Variants in RPH3AL observed in about 807,000 individuals in gnomAD.
RPH3AL encodes rab effector Noc2.
A neutral mutation model predicts 43.1 loss-of-function variants in RPH3AL; 38 were observed. The ratio of observed to expected loss-of-function variants is 0.88; its 90% CI spans 0.68 to 1.15. The LOEUF is 1.15. Among genes scored for constraint, RPH3AL ranks in the 50% most tolerant of loss-of-function variants. RPH3AL has a pLI of 0.00. For synonymous variants in RPH3AL, 189 were observed against 176.3 expected (o/e 1.07, Z -0.57); for missense variants, 462 against 423.2 (o/e 1.09, Z -0.81).
chr17:219,593 C>T (rs1414415494), intron 8 of RPH3AL, 30 bp downstream of exon 8: 2 of 1,344,622 alleles, frequency 1.5e-6, no homozygotes, highest in Admixed American at 3.7e-5. Context: ...CGTGCCCGGC[C>T]AATAAGCAGC....
chr17:286,793 G>A (rs374502405), intron 5 of RPH3AL, among the ~76,000 whole-genome samples: 4 of 152,116 alleles, frequency 2.6e-5, no homozygotes, highest in Admixed American at 6.5e-5. Flanking sequence ...CTGGCTTCCC[G>A]GGCTTGGCTG....
At chr17:237,814 G>T (rs867973552) in intron 7 of RPH3AL, among the ~76,000 whole-genome samples, 1 of 152,204 alleles carries the variant, frequency 6.6e-6, no homozygotes, top group African/African-American at 2.4e-5. Flanking sequence ...TCAGGCCCCT[G>T]GTGTCAGGCG....
At chr17:230,954 G>A (rs897551399) in intron 7 of RPH3AL, among the ~76,000 whole-genome samples, 2 of 152,196 alleles carry the variant, frequency 1.3e-5, no homozygotes, top group Non-Finnish European at 2.9e-5. Flanking sequence ...CCGAAGTGCT[G>A]GGATCACAGG....
rs139331066 is a variant in RPH3AL, at chr17:301,514, G to A, written c.351+17906C>T. Among the ~76,000 whole-genome samples, 40 of 152,192 alleles carry A rather than the reference G, an allele frequency of 2.6e-4. No individual in the cohort carries two copies. In the East Asian group the frequency reaches 6.9e-3, roughly 26 times the overall value. ...GAGAGGGGGTTTTGCCTTGTTGCCCGGGCTGGTCTCAAACTCCTGGGCTCA... is the reference window on the plus strand; with the variant it reads ...GAGAGGGGGTTTTGCCTTGTTGCCCAGGCTGGTCTCAAACTCCTGGGCTCA... On this transcript the variant is annotated intron_variant, in intron 5 of 9. Coordinates refer to ENST00000331302, the MANE Select transcript of RPH3AL (RefSeq NM_006987.4).
chr17:240,855 C>G (rs1026466846), intron 7 of RPH3AL, among the ~76,000 whole-genome samples: 3 of 151,672 alleles, frequency 2.0e-5, no homozygotes, highest in African/African-American at 7.3e-5. Context: ...GTCAGGAGAT[C>G]GAGACCAGCC....
intron 5 of RPH3AL, among the ~76,000 whole-genome samples, chr17:311,020 C>T (rs779602131): frequency 6.6e-6 from 1 of 152,204 alleles, no homozygotes; most frequent in Non-Finnish European, 1.5e-5. Context: ...CGAAAGACTC[C>T]CCTGCACCTG....
chr17:213,326 T>C lies in RPH3AL; in HGVS notation c.*526A>G, dbSNP rs11150886. 0.85 allele frequency: 141,813 copies of C among 166,192 alleles called. 60,591 individuals carry two copies. The highest frequency in any genetic ancestry group is 0.89 in the African/African-American group (36,843 of 41,570). The allele number at this position is 166,192 out of a possible 1,614,324, so 10.3% of individuals were successfully genotyped here. On this transcript the variant is annotated 3_prime_UTR_variant, in exon 10 of 10. Transcript: ENST00000331302. The stretch of plus-strand genomic sequence containing the variant: ...TCACCCACGGTCCTGGGCCAGCCCA[T>C]GGGAGGGGGGCACTGCGCCTGCCTC...
intron 5 of RPH3AL, among the ~76,000 whole-genome samples, chr17:285,157 G>A (rs531654318): frequency 3.3e-5 from 5 of 152,264 alleles, no homozygotes; most frequent in South Asian, 4.1e-4. Context: ...TGGGAGCATC[G>A]TCGTGTCTCT....
chr17:266,857 C>T (rs1307149022), intron 6 of RPH3AL, among the ~76,000 whole-genome samples: 3 of 152,250 alleles, frequency 2.0e-5, no homozygotes, highest in East Asian at 3.9e-4. Context: ...ACACAATTAC[C>T]GGTAAGGAGC....
At chr17:278,707 T>C (rs1425359355) in intron 6 of RPH3AL, among the ~76,000 whole-genome samples, 1 of 152,164 alleles carries the variant, frequency 6.6e-6, no homozygotes, top group Non-Finnish European at 1.5e-5. Flanking sequence ...CACTGCAGAA[T>C]TTACTGGGTT....
chr17:350,474 G>T (rs1444765164), intron 1 of RPH3AL, among the ~76,000 whole-genome samples: 1 of 152,008 alleles, frequency 6.6e-6, no homozygotes, highest in Non-Finnish European at 1.5e-5. Context: ...AGCTGGGCAT[G>T]GTGGTGCATG....
intron 7 of RPH3AL, among the ~76,000 whole-genome samples, chr17:240,286 G>A (rs2041498625): frequency 6.6e-6 from 1 of 151,060 alleles, no homozygotes; most frequent in African/African-American, 2.4e-5. Flanking sequence ...TCCACCTTAT[G>A]AATTTTAAAA....
At chr17:316,915 G>T (rs570183253) in intron 5 of RPH3AL, among the ~76,000 whole-genome samples, 31 of 127,974 alleles carry the variant, frequency 2.4e-4, no homozygotes, top group Admixed American at 2.2e-3. Context: ...CACCTCCACT[G>T]ACCTGTAGTC....
intron 7 of RPH3AL, among the ~76,000 whole-genome samples, chr17:238,086 G>A (rs986139771): frequency 9.2e-5 from 14 of 151,932 alleles, no homozygotes; most frequent in African/African-American, 2.9e-4. Flanking sequence ...GCAGTTAGCT[G>A]AGACTGAGCC....
In RPH3AL at chr17:264,066, G is replaced by A. The variant is rs538477522; in HGVS notation, c.439-16781C>T. 9.3e-4 allele frequency among the ~76,000 whole-genome samples: 142 copies of A among 152,304 alleles called. No homozygotes were observed. The highest frequency in any genetic ancestry group is 3.1e-3 in the African/African-American group (128 of 41,566). ...ATCTCTGATCAGATTTCAAAGCCACGATTTTGGCCGCGTGCGACAAGCCGG... is the reference window on the plus strand; with the variant it reads ...ATCTCTGATCAGATTTCAAAGCCACAATTTTGGCCGCGTGCGACAAGCCGG... On this transcript the variant is annotated intron_variant, in intron 6 of 9. Coordinates refer to ENST00000331302, the MANE Select transcript of RPH3AL (RefSeq NM_006987.4). This position sits in a 1 kb window ranked among gnomAD's most constrained non-coding sequence, Gnocchi z 4.8.
At chr17:269,282 G>A (rs1002445299) in intron 6 of RPH3AL, among the ~76,000 whole-genome samples, 1 of 152,196 alleles carries the variant, frequency 6.6e-6, no homozygotes, top group Non-Finnish European at 1.5e-5. Context: ...AGAGTGCTGG[G>A]TGTGAGCCAC....
Position 252,020 on chromosome 17 carries a change from C to T in RPH3AL, c.439-4735G>A, listed in dbSNP as rs750781709. Among the ~76,000 whole-genome samples, 4 of 150,480 alleles carry T rather than the reference C, an allele frequency of 2.7e-5. No individual in the cohort carries two copies. The East Asian group carries it at 5.9e-4, about 22-fold the overall frequency. ...CAGGGTCTTGCTCTGTCACCCAGGA[C>T]GGAGTGCAGTGGAGCAATCGGCTCA... On this transcript the variant is annotated intron_variant, in intron 6 of 9. Coordinates refer to ENST00000331302, the MANE Select transcript of RPH3AL (RefSeq NM_006987.4).
intron 7 of RPH3AL, among the ~76,000 whole-genome samples, chr17:238,889 C>A (rs2041464057): frequency 6.6e-6 from 1 of 152,158 alleles, no homozygotes; most frequent in Admixed American, 6.5e-5. Flanking sequence ...CCACAGGGGA[C>A]CTCAGGGACC....
At chr17:315,067 C>A (rs113443035) in intron 5 of RPH3AL, among the ~76,000 whole-genome samples, 7 of 112,464 alleles carry the variant, frequency 6.2e-5, no homozygotes, top group Non-Finnish European at 9.1e-5. Flanking sequence ...AACTGTAGTC[C>A]CTGTGCTCCA....
Sources: gnomAD v4.1 joint callset for allele counts (sites outside exome capture counted in the v4.1 genomes callset) on GRCh38, gnomAD v4.1.1 for gene constraint, Gnocchi (gnomAD v3.1) non-coding constraint, MANE v1.5 for transcripts, NCBI Gene and HGNC (gene_info 2026-07-23, HGNC 2026-07-21) for gene names.